Variants in SRSF10 observed in about 807,000 individuals in gnomAD.
SRSF10 encodes serine/arginine-rich splicing factor 10.
A neutral mutation model predicts 32.6 loss-of-function variants in SRSF10; 9 were observed. That is an observed-to-expected ratio of 0.28 (90% CI 0.17 to 0.48). SRSF10 has a LOEUF of 0.48. Ranked by LOEUF, SRSF10 falls within the 20% of genes least tolerant of loss-of-function variation. The probability of loss-of-function intolerance (pLI) is 0.99; values close to 1 mark genes in which losing one functional copy is unlikely to be tolerated. For missense variants in SRSF10, 201 were observed against 331.8 expected (o/e 0.61, Z 3.06); for synonymous variants, 105 against 112.4 (o/e 0.93, Z 0.42).
chr1:23,971,434 T>C lies in SRSF10; in HGVS notation c.497A>G (p.Lys166Arg). The C allele has an allele frequency of 1.2e-6, 2 of 1,608,250 alleles. No individual in the cohort carries two copies. Among genetic ancestry groups the C allele is most frequent in the South Asian group, 2.2e-5 (2 of 89,958 alleles). The change falls in exon 6 of 6, where the codon AAA becomes AGA. Residue 166 changes from lysine to arginine, a missense_variant. Physicochemically the swap from Lys to Arg is conservative, Grantham distance 26. Transcript: ENST00000492112. The part of the protein sequence containing the change: ...SRSHSDNDRF[K>R]HRNRSFSRSK... ...TCTTGAAAAAGATCGATTTCGGTGT[T>C]TGAATCTTTCAAAACAGAGGAGAGA...
chr1:23,974,850 A>C, intron 3 of SRSF10, 124 bp downstream of exon 3: 1 of 753,814 alleles, frequency 1.3e-6, no homozygotes, highest in Non-Finnish European at 2.2e-6. Flanking sequence ...AAAAAGAAAG[A>C]AAGAAAGAAA....
chr1:23,972,662 G>C (rs915568805), intron 3 of SRSF10, among the ~76,000 whole-genome samples: 155 of 151,248 alleles, frequency 1.0e-3, no homozygotes, highest in African/African-American at 3.7e-3. Context: ...GGCTGGTCTC[G>C]AATTCCTGAC....
At chr1:23,978,194 C>T in intron 2 of SRSF10, 2 of 985,472 alleles carry the variant, frequency 2.0e-6, no homozygotes, top group Non-Finnish European at 2.4e-6. Flanking sequence ...TGTCTACTTG[C>T]CTTAAGTGTT....
At position 23,966,455 on chromosome 1, in the gene SRSF10, C is replaced by T. The variant is rs1160704000; in HGVS notation, c.*4687G>A. The stretch of plus-strand genomic sequence containing the variant: ...AAGGAATCCAAAACATTTTGTGATA[C>T]TATAAAAGTTATTTATTCGCTATAC... On this transcript the variant is annotated 3_prime_UTR_variant, in exon 6 of 6. Transcript: ENST00000492112. 1.3e-5 allele frequency: 2 copies of T among 151,970 alleles called. No individual in the cohort carries two copies. The highest frequency in any genetic ancestry group is 4.8e-5 in the African/African-American group (2 of 41,424). The allele number at this position is 151,970 out of a possible 1,614,324, so 9.4% of individuals were successfully genotyped here.
Position 23,968,718 on chromosome 1 carries a change from G to A in SRSF10, c.*2424C>T, listed in dbSNP as rs1641581689. On this transcript the variant is annotated 3_prime_UTR_variant, in exon 6 of 6. Transcript: ENST00000492112. ...AATGATTTAAAATCATGTCATAAAC[G>A]TTAAGCCCTAATGCGTCTTGTTTAT... Among the ~76,000 whole-genome samples, 1 of 152,092 alleles carries A rather than the reference G, an allele frequency of 6.6e-6. No homozygotes were observed. The highest frequency in any genetic ancestry group is 1.5e-5 in the Non-Finnish European group (1 of 67,984).
Position 23,969,957 on chromosome 1 carries a change from T to C in SRSF10, c.*1185A>G, listed in dbSNP as rs1340914357. 1.0e-6 allele frequency: 1 copy of C among 985,256 alleles called. No homozygotes were observed. The highest frequency in any genetic ancestry group is 1.2e-6 in the Non-Finnish European group (1 of 829,944). The allele number at this position is 985,256 out of a possible 1,614,324, so 61.0% of individuals were successfully genotyped here. A position where few individuals can be genotyped will look rare whatever the true frequency, so the allele number is the denominator to read the frequency against. ...TCATAAAGAGGCAGGCAAATTTTGA[T>C]ACAAATGCACGAGCCAAGTGCTGTA... On this transcript the variant is annotated 3_prime_UTR_variant, in exon 6 of 6. Coordinates refer to ENST00000492112, the MANE Select transcript of SRSF10 (RefSeq NM_054016.4).
intron 3 of SRSF10, 101 bp downstream of exon 3, chr1:23,974,873 T>C: frequency 2.3e-6 from 2 of 865,588 alleles, no homozygotes; most frequent in South Asian, 3.0e-5. Context: ...AAAGATCCCT[T>C]TGGGTTTTGA....
chr1:23,971,922 C>T lies in SRSF10; in HGVS notation c.365G>A (p.Arg122Gln), dbSNP rs766244514. 8.7e-6 allele frequency: 14 copies of T among 1,601,778 alleles called. No individual in the cohort carries two copies. Among genetic ancestry groups the T allele is most frequent in the Admixed American group, 7.1e-5 (4 of 56,068 alleles). Residue 122 changes from arginine to glutamine, a missense_variant, in exon 4 of 6, where the codon CGA becomes CAA. Physicochemically the swap from Arg to Gln is conservative, Grantham distance 43. Transcript: ENST00000492112. ...DYDRYRRSRS[R>Q]SYERRRSRSR... Reference sequence around the variant, plus strand: ...TCTTGATCTCCTCCTTTCATAACTTCGGCTTCTAGAACGTCTGTATCTGTC... The same window carrying T: ...TCTTGATCTCCTCCTTTCATAACTTTGGCTTCTAGAACGTCTGTATCTGTC...
rs1289917346 is a variant in SRSF10 at position 23,966,807 on chromosome 1, ATACTTTTAAATGGCAGATAACCACACAAT to A, written c.*4306_*4334del. ...TTATAATAATGTGATCAAATACTGG[ATACTTTTAAATGGCAGATAACCACACAAT>A]TACTTATCCTTGATCGTATATTGTG... On this transcript the variant is annotated 3_prime_UTR_variant, in exon 6 of 6. Transcript: ENST00000492112. 1 of 152,062 alleles carries A rather than the reference ATACTTTTAAATGGCAGATAACCACACAAT, an allele frequency of 6.6e-6. No individual in the cohort carries two copies. Among genetic ancestry groups the A allele is most frequent in the Non-Finnish European group, 1.5e-5 (1 of 67,936 alleles). The allele number at this position is 152,062 out of a possible 1,614,324, so 9.4% of individuals were successfully genotyped here. A position where few individuals can be genotyped will look rare whatever the true frequency, so the allele number is the denominator to read the frequency against.
Position 23,971,850 on chromosome 1 carries a change from T to G in SRSF10, c.437A>C (p.Asn146Thr). The G allele has an allele frequency of 6.2e-7, 1 of 1,601,506 alleles. No homozygotes were observed. The highest frequency in any genetic ancestry group is 1.1e-5 in the South Asian group (1 of 88,476). The change falls in exon 4 of 6, where the codon AAC becomes ACC. Residue 146 changes from asparagine (N) to threonine (T), a missense_variant and splice_region_variant. Transcript: ENST00000492112. ...TCACTGTGCTACACAGCACACTTAC[T>G]TTCTAGGACTATACGATCTTCTATA... Reference protein sequence around the residue: ...YNYRRSYSPRNSRPTGRPRRS... With the variant: ...YNYRRSYSPRTSRPTGRPRRS...
At position 23,980,314 on chromosome 1, in the gene SRSF10, G is replaced by A. The variant is rs958284645; in HGVS notation, c.-59C>T. Reference sequence around the variant, plus strand: ...GGCTCAGCAAACCGTCCGCGGCTCAGGCGGCCGAGCCTCAGACACACACAG... The same window carrying A: ...GGCTCAGCAAACCGTCCGCGGCTCAAGCGGCCGAGCCTCAGACACACACAG... On this transcript the variant is annotated 5_prime_UTR_variant, in exon 1 of 6. Transcript: ENST00000492112. 80 of 1,379,732 alleles carry A rather than the reference G, an allele frequency of 5.8e-5. No homozygotes were observed. The African/African-American group carries it at 7.3e-4, about 13-fold the overall frequency. The allele number at this position is 1,379,732 out of a possible 1,614,324, so 85.5% of individuals were successfully genotyped here.
intron 3 of SRSF10, among the ~76,000 whole-genome samples, chr1:23,973,838 C>G (rs1198256374): frequency 6.6e-6 from 1 of 152,142 alleles, no homozygotes; most frequent in Non-Finnish European, 1.5e-5. Context: ...CACTTCAATT[C>G]TTATCTCATT....
chr1:23,970,834 G>A lies in SRSF10; in HGVS notation c.*308C>T. ...GAATATGAAAGTTTATTTTTAATGA[G>A]ACAATGTTGCAAATTATGGTCAACC... is the stretch of plus-strand genomic sequence containing the variant. On this transcript the variant is annotated 3_prime_UTR_variant, in exon 6 of 6. Transcript: ENST00000492112. 9.0e-7 allele frequency: 1 copy of A among 1,110,510 alleles called. No homozygotes were observed. The highest frequency in any genetic ancestry group is 1.1e-6 in the Non-Finnish European group (1 of 910,778). 68.8% of individuals were successfully genotyped at this position (1,110,510 alleles called of 1,614,324 possible).
At position 23,979,057 on chromosome 1, in the gene SRSF10, G is replaced by GTT. The variant is rs71655401; in HGVS notation, c.66-242_66-241dup. 416 of 134,060 alleles carry GTT rather than the reference G, an allele frequency of 3.1e-3. 2 individuals carry two copies. Among genetic ancestry groups the GTT allele is most frequent in the East Asian group, 0.012 (52 of 4,308 alleles). The allele number at this position is 134,060 out of a possible 1,614,324, so 8.3% of individuals were successfully genotyped here. Reference sequence around the variant, plus strand: ...CAGCATTAGGTTGTATATAAGCCTTGTTTTTTTTTTTTTTTTTACTTTTAC... The same window carrying GTT: ...CAGCATTAGGTTGTATATAAGCCTTGTTTTTTTTTTTTTTTTTTTACTTTTAC... On this transcript the variant is annotated intron_variant, in intron 1 of 5. Transcript: ENST00000492112.
chr1:23,975,439 T>G (rs1642029115), intron 2 of SRSF10: 1 of 180,346 alleles, frequency 5.5e-6, no homozygotes, highest in East Asian at 1.5e-4. Context: ...ATATGTTGTA[T>G]GCTAAAATAA....
In SRSF10 at chr1:23,968,274, T is replaced by C. The variant is rs968889904; in HGVS notation, c.*2868A>G. On this transcript the variant is annotated 3_prime_UTR_variant, in exon 6 of 6. Coordinates refer to ENST00000492112, the MANE Select transcript of SRSF10 (RefSeq NM_054016.4). ...TCAATAGTCCAAGTCTAAAAATAAG[T>C]TGACACAAGTAAAAATAAAAATGAA... Among the ~76,000 whole-genome samples, 1 of 152,120 alleles carries C rather than the reference T, an allele frequency of 6.6e-6. No homozygotes were observed. Among genetic ancestry groups the C allele is most frequent in the African/African-American group, 2.4e-5 (1 of 41,438 alleles).
rs1641607742 is a variant in SRSF10 at position 23,969,271 on chromosome 1, T to C, written c.*1871A>G. ...AATACAAAGTTTAACCCCACAACTT[T>C]CCTCTTTGCTAGAACTGTAAACTAC... On this transcript the variant is annotated 3_prime_UTR_variant, in exon 6 of 6. Transcript: ENST00000492112. The C allele has an allele frequency of 1.0e-6, 1 of 985,542 alleles. No homozygotes were observed. The highest frequency in any genetic ancestry group is 6.1e-5 in the Admixed American group (1 of 16,266). 61.0% of individuals were successfully genotyped at this position (985,542 alleles called of 1,614,324 possible).
rs921924164 is a variant in SRSF10 at position 23,971,561 on chromosome 1, A to C, written c.491+12T>G. On this transcript the variant is annotated intron_variant, in intron 5 of 5. Transcript: ENST00000492112. ...AAAATACATGAGTCTTTTTCAAAGC[A>C]AAGTTATTTACCTATCATTGTCGGA... The C allele has an allele frequency of 3.1e-6, 5 of 1,607,062 alleles. No individual in the cohort carries two copies. In the African/African-American group the frequency reaches 6.7e-5, roughly 22 times the overall value.
chr1:23,978,582 A>G (rs1642223882), intron 2 of SRSF10, 131 bp downstream of exon 2: 2 of 1,219,960 alleles, frequency 1.6e-6, no homozygotes, highest in Admixed American at 3.2e-5. Context: ...GTCAGAATTA[A>G]TTTTCAAAAA....
Sources: allele counts gnomAD v4.1 joint callset (sites outside exome capture counted in the v4.1 genomes callset), GRCh38; gene constraint gnomAD v4.1.1; transcripts MANE v1.5; gene names NCBI Gene and HGNC (gene_info 2026-07-23, HGNC 2026-07-21).